Variants in CCDC3 observed in about 807,000 individuals in gnomAD.
CCDC3 encodes coiled-coil domain containing 3, also known as coiled-coil domain-containing protein 3.
A neutral mutation model predicts 21.4 loss-of-function variants in CCDC3; 24 were observed. The observed-to-expected ratio is 1.12, with a 90% CI of 0.81 to 1.58. The LOEUF (loss-of-function observed/expected upper bound fraction) is 1.58. Ranked by LOEUF, CCDC3 falls within the 40% of genes most tolerant of loss-of-function variation. The pLI is 0.00. For missense variants in CCDC3, 425 were observed against 360.9 expected, an observed-to-expected ratio of 1.18 and a Z score of -1.44; for synonymous variants, 186 against 166.0, an observed-to-expected ratio of 1.12 and a Z score of -0.93.
chr10:13,096,815 A>G (rs1297108862), intron 3 of CCDC3, among the ~76,000 whole-genome samples: 2 of 152,170 alleles, frequency 1.3e-5, no homozygotes, highest in Non-Finnish European at 2.9e-5. Context: ...CTTGATGCTC[A>G]TAAGACCACC....
intron 2 of CCDC3, among the ~76,000 whole-genome samples, chr10:12,925,819 C>T (rs1834528283): frequency 6.6e-6 from 1 of 152,250 alleles, no homozygotes; most frequent in Non-Finnish European, 1.5e-5. Context: ...TCAATTCATC[C>T]TATTGTGATA....
intron 3 of CCDC3, among the ~76,000 whole-genome samples, chr10:13,095,285 C>G (rs1021080882): frequency 6.6e-6 from 1 of 152,150 alleles, no homozygotes; most frequent in African/African-American, 2.4e-5. Flanking sequence ...AAGTCCAGAC[C>G]AAGGTCAACC....
chr10:12,912,697 G>A (rs1379859022), intron 2 of CCDC3, among the ~76,000 whole-genome samples: 1 of 152,124 alleles, frequency 6.6e-6, no homozygotes, highest in Non-Finnish European at 1.5e-5. Context: ...CCAGACCAAT[G>A]TCATGGAGCT....
chr10:13,052,738 G>C (rs550002968), intron 4 of CCDC3, among the ~76,000 whole-genome samples: 4 of 151,858 alleles, frequency 2.6e-5, no homozygotes, highest in Non-Finnish European at 5.9e-5. Context: ...CCAGGAGTTC[G>C]AGACCAGCCT....
chr10:13,023,163 T>C (rs1436366550), intron 5 of CCDC3, among the ~76,000 whole-genome samples: 1 of 152,166 alleles, frequency 6.6e-6, no homozygotes, highest in African/African-American at 2.4e-5. Context: ...TATTTAACGC[T>C]GCTATTGTAC....
chr10:12,949,967 C>T (rs1184847777), intron 2 of CCDC3, among the ~76,000 whole-genome samples: 1 of 152,210 alleles, frequency 6.6e-6, no homozygotes, highest in Non-Finnish European at 1.5e-5. Context: ...TGTGTGCCTA[C>T]TTTGGGTTCA....
intron 2 of CCDC3, among the ~76,000 whole-genome samples, chr10:12,960,026 T>C (rs1347611931): frequency 1.3e-5 from 2 of 152,106 alleles, no homozygotes; most frequent in African/African-American, 2.4e-5. Flanking sequence ...TGGTCGCACA[T>C]GCCTGGAATC....
intron 3 of CCDC3, among the ~76,000 whole-genome samples, chr10:13,075,269 T>C (rs1334168310): frequency 6.6e-6 from 1 of 152,218 alleles, no homozygotes; most frequent in African/African-American, 2.4e-5. Flanking sequence ...CAACTTTTTG[T>C]TTTGCGTATC....
chr10:13,019,734 G>A lies in CCDC3; in HGVS notation c.-1-21222C>T, dbSNP rs558124524. On this transcript the variant is annotated intron_variant, in intron 5 of 6. Coordinates refer to the CCDC3 transcript ENST00000378839. Reference sequence around the variant, plus strand: ...CACTGGGCTAGGCAGGGTGGTGCACGCCTGTAATCCCAGCACTTTGGGAGG... The same window carrying A: ...CACTGGGCTAGGCAGGGTGGTGCACACCTGTAATCCCAGCACTTTGGGAGG... Among the ~76,000 whole-genome samples the A allele has an allele frequency of 5.3e-5, 8 of 152,192 alleles. 1 individual carries two copies. In the South Asian group the frequency reaches 1.0e-3, roughly 20 times the overall value.
At position 13,001,283 on chromosome 10, in the gene CCDC3, G is replaced by A. The variant is rs1835848709; in HGVS notation, c.288C>T (p.Gly96=). The A allele has an allele frequency of 3.7e-6, 6 of 1,604,116 alleles. No homozygotes were observed. In the East Asian group the frequency reaches 1.3e-4, roughly 36 times the overall value. Reference sequence around the variant, plus strand: ...CCAGGCCGGTGAGGTTGAGCCTGGAGCCGGCGGGCACCTCCAGCATGCTGC... The same window carrying A: ...CCAGGCCGGTGAGGTTGAGCCTGGAACCGGCGGGCACCTCCAGCATGCTGC... ...AWGSMLEVPA[G]SRLNLTGLGY... The change falls in exon 1 of 3, where the codon GGC becomes GGT. Residue 96 remains glycine (G), a synonymous_variant. Coordinates refer to ENST00000378825, the MANE Select transcript of CCDC3 (RefSeq NM_031455.4).
intron 5 of CCDC3, among the ~76,000 whole-genome samples, chr10:13,029,565 C>A (rs780059440): frequency 6.6e-6 from 1 of 152,062 alleles, no homozygotes; most frequent in Non-Finnish European, 1.5e-5. Flanking sequence ...GATGTCCGAA[C>A]CCATCGCAAA....
intron 2 of CCDC3, among the ~76,000 whole-genome samples, chr10:12,947,878 T>C (rs1187137919): frequency 6.6e-6 from 1 of 152,242 alleles, no homozygotes; most frequent in Non-Finnish European, 1.5e-5. Flanking sequence ...CTGCTCTTAT[T>C]AGCATTGTCC....
chr10:13,045,133 A>G (rs1007074504), intron 5 of CCDC3, among the ~76,000 whole-genome samples: 13 of 152,192 alleles, frequency 8.5e-5, no homozygotes, highest in Non-Finnish European at 1.8e-4. Flanking sequence ...TACTTTCCCT[A>G]CATTATATTA....
chr10:13,061,895 C>T (rs77193814), intron 4 of CCDC3, among the ~76,000 whole-genome samples: 2 of 152,110 alleles, frequency 1.3e-5, no homozygotes, highest in African/African-American at 4.8e-5. Context: ...AGTTAATCTC[C>T]TCAGGATTGG....
At chr10:13,057,723 C>CA (rs556057819) in intron 4 of CCDC3, among the ~76,000 whole-genome samples, 181 of 152,032 alleles carry the variant, frequency 1.2e-3, no homozygotes, top group South Asian at 7.7e-3. Flanking sequence ...ACTAAAAATA[C>CA]AAAAAATTAG....
At chr10:12,927,426 ATTTCT>A (rs1834561018) in intron 2 of CCDC3, among the ~76,000 whole-genome samples, 1 of 152,184 alleles carries the variant, frequency 6.6e-6, no homozygotes, top group South Asian at 2.1e-4. Flanking sequence ...TGCCTCACAG[ATTTCT>A]TTTTTATATT....
chr10:12,935,935 C>T (rs1472745021), intron 2 of CCDC3, among the ~76,000 whole-genome samples: 1 of 152,228 alleles, frequency 6.6e-6, no homozygotes, highest in Non-Finnish European at 1.5e-5. Flanking sequence ...TATATCATTG[C>T]TGTGATTCAC....
At chr10:13,007,096 C>A (rs1247898088) in intron 5 of CCDC3, among the ~76,000 whole-genome samples, 1 of 152,106 alleles carries the variant, frequency 6.6e-6, no homozygotes, top group Non-Finnish European at 1.5e-5. Flanking sequence ...GTACTAGAGT[C>A]ATAACTTTTC....
At chr10:12,983,130 G>GTATATA (rs57120940) in intron 2 of CCDC3, among the ~76,000 whole-genome samples, 8 of 28,996 alleles carry the variant, frequency 2.8e-4, no homozygotes, top group Non-Finnish European at 3.1e-4. Flanking sequence ...ATAAAATAGT[G>GTATATA]TATATATATA....
Sources: allele counts gnomAD v4.1 joint callset (sites outside exome capture counted in the v4.1 genomes callset), GRCh38; gene constraint gnomAD v4.1.1; transcripts MANE v1.5; gene names NCBI Gene and HGNC (gene_info 2026-07-23, HGNC 2026-07-21).